ATG2B: variants seen among roughly 807,000 people sequenced by gnomAD.
The protein encoded by ATG2B is autophagy related 2B.
ATG2B carries 121 observed loss-of-function variants against 241.3 expected under a neutral mutation model. The observed-to-expected ratio is 0.50, with a 90% CI of 0.43 to 0.58. The LOEUF is 0.58. ATG2B is among the 20% of genes least tolerant of loss of function. The pLI, the probability that ATG2B is intolerant of heterozygous loss-of-function variation, is 0.00. For synonymous variants in ATG2B, 858 were observed against 876.6 expected (o/e 0.98, Z 0.37); for missense variants, 2,306 against 2,491.6 (o/e 0.93, Z 1.59).
chr14:96,294,892 C>T lies in ATG2B; in HGVS notation c.5426+68G>A, dbSNP rs573074394. ...ACGGAACCTCATGATTACCAGCACA[C>T]ATACATCACAGAACAATCTTCAAAA... On this transcript the variant is annotated intron_variant, in intron 36 of 41. Transcript: ENST00000359933. 30 of 1,385,570 alleles carry T rather than the reference C, an allele frequency of 2.2e-5. No homozygotes were observed. The South Asian group carries it at 2.5e-4, about 11-fold the overall frequency. 85.8% of individuals were successfully genotyped at this position (1,385,570 alleles called of 1,614,324 possible).
chr14:96,332,523 C>G lies in ATG2B; in HGVS notation c.1340G>C (p.Gly447Ala). 6.2e-7 allele frequency: 1 copy of G among 1,609,090 alleles called. No homozygotes were observed. The highest frequency in any genetic ancestry group is 8.5e-7 in the Non-Finnish European group (1 of 1,178,224). ...LTSTYTNTPAGSPLSATVLQP... is the reference protein window; with the variant it reads ...LTSTYTNTPAASPLSATVLQP... The stretch of plus-strand genomic sequence containing the variant: ...TACCACAGTAGCACTTAATGGAGAT[C>G]CTGCTGGGGTATTTGTATATGTACT... The change falls in exon 9 of 42, where the codon GGA becomes GCA. Residue 447 changes from glycine to alanine, a missense_variant. Transcript: ENST00000359933.
chr14:96,339,790 T>C (rs540251858), intron 6 of ATG2B, among the ~76,000 whole-genome samples: 1 of 151,868 alleles, frequency 6.6e-6, no homozygotes. Flanking sequence ...ACTGCTCAGG[T>C]GACAAGTACA....
chr14:96,302,972 A>AT, intron 33 of ATG2B, 89 bp downstream of exon 33: 2 of 974,614 alleles, frequency 2.1e-6, no homozygotes, highest in Non-Finnish European at 2.8e-6. Context: ...ATATCTAGTA[A>AT]TTTTCCCTAC....
At chr14:96,300,803 C>G (rs368444664) in intron 34 of ATG2B, among the ~76,000 whole-genome samples, 3 of 152,218 alleles carry the variant, frequency 2.0e-5, no homozygotes, top group Non-Finnish European at 2.9e-5. Flanking sequence ...TAGAGCTATG[C>G]TAAGCTTCTG....
rs1490776788 is a variant in ATG2B, at chr14:96,282,157, A to G, written c.*3598T>C. On this transcript the variant is annotated 3_prime_UTR_variant, in exon 42 of 42. Transcript: ENST00000359933. ...TAAACAAGATTTCCTGCAATGAAAA[A>G]GAAATTTTTCCTTCATTATCTATAA... The G allele has an allele frequency of 1.3e-5, 2 of 152,256 alleles. No homozygotes were observed. Among genetic ancestry groups the G allele is most frequent in the African/African-American group, 2.4e-5 (1 of 41,460 alleles). 9.4% of individuals were successfully genotyped at this position (152,256 alleles called of 1,614,324 possible).
chr14:96,317,068 T>C, intron 20 of ATG2B, 77 bp downstream of exon 20: 1 of 1,289,076 alleles, frequency 7.8e-7, no homozygotes. Context: ...AATACTTCAA[T>C]CACTAGATAT....
chr14:96,352,721 A>G (rs1157382453), intron 1 of ATG2B, among the ~76,000 whole-genome samples: 6 of 152,208 alleles, frequency 3.9e-5, no homozygotes, highest in Admixed American at 6.5e-5. Context: ...TGTTATTACA[A>G]AAGAAACAAA....
At chr14:96,332,459 A>C (rs1486590757) in intron 9 of ATG2B, 42 bp downstream of exon 9, 10 of 1,612,132 alleles carry the variant, frequency 6.2e-6, no homozygotes, top group Non-Finnish European at 8.5e-6. Flanking sequence ...GAATTTTAGA[A>C]GCAACTTTTC....
Position 96,328,437 on chromosome 14 carries a change from C to T in ATG2B, c.2073G>A (p.Arg691=). The T allele has an allele frequency of 6.2e-7, 1 of 1,613,502 alleles. No individual in the cohort carries two copies. Among genetic ancestry groups the T allele is most frequent in the Non-Finnish European group, 8.5e-7 (1 of 1,179,806 alleles). ...CCELDISIVD[R]LNSLLQPQKL... The stretch of plus-strand genomic sequence containing the variant: ...TCTGTGGTTGAAGCAAGGAATTTAA[C>T]CTGTCCACAATACTGATATCCAGCT... Residue 691 remains arginine, a synonymous_variant, in exon 14 of 42, where the codon AGG becomes AGA. Transcript: ENST00000359933.
chr14:96,362,883 G>T lies in ATG2B; in HGVS notation c.94C>A (p.Leu32Met). 6.2e-7 allele frequency: 1 copy of T among 1,613,570 alleles called. No individual in the cohort carries two copies. The stretch of plus-strand genomic sequence containing the variant: ...TACAGGTCCAGGCTGAGCTGCTCCA[G>T]GCTCAGCTTCTCCTGCAGAAAGTGG... ...LGHFLQEKLS[L>M]EQLSLDLYQG... is the part of the protein sequence containing the mutation. The change falls in exon 1 of 42, where the codon CTG becomes ATG. Residue 32 changes from leucine to methionine, a missense_variant. This residue lies in a region of ATG2B where 1,927 missense variants were observed against 2,011.2 expected (regional missense o/e 0.96). Coordinates refer to ENST00000359933, the MANE Select transcript of ATG2B (RefSeq NM_018036.7).
At position 96,311,558 on chromosome 14, in the gene ATG2B, T is replaced by C. The variant is rs1224522888; in HGVS notation, c.3974A>G (p.Asp1325Gly). 1.9e-6 allele frequency: 3 copies of C among 1,606,708 alleles called. No homozygotes were observed. Among genetic ancestry groups the C allele is most frequent in the Non-Finnish European group, 2.6e-6 (3 of 1,175,228 alleles). ...ATAACTCACTTGCTCTCCATCAGAA[T>C]CAGACTTCACTGCAGTTATGGTTAA... ...LELTITAVKSDSDGEQTEPRF... is the reference protein window; with the variant it reads ...LELTITAVKSGSDGEQTEPRF... Residue 1325 changes from aspartate to glycine, a missense_variant, in exon 27 of 42, where the codon GAT becomes GGT. This residue lies in a region of ATG2B where 1,927 missense variants were observed against 2,011.2 expected (regional missense o/e 0.96). Coordinates refer to ENST00000359933, the MANE Select transcript of ATG2B (RefSeq NM_018036.7).
intron 1 of ATG2B, among the ~76,000 whole-genome samples, chr14:96,351,735 C>CAAA (rs547639757): frequency 8.2e-6 from 1 of 122,556 alleles, no homozygotes. Context: ...GACTCCGTCT[C>CAAA]AAAAAAAAAA....
intron 1 of ATG2B, among the ~76,000 whole-genome samples, chr14:96,355,361 C>T (rs981317648): frequency 6.6e-6 from 1 of 152,102 alleles, no homozygotes; most frequent in African/African-American, 2.4e-5. Flanking sequence ...TAGGGCTAGC[C>T]AGTTCTCCCA....
intron 11 of ATG2B, 122 bp from the exon 12 acceptor site, chr14:96,329,756 C>T (rs1887683488): frequency 1.7e-6 from 1 of 575,064 alleles, no homozygotes. Flanking sequence ...AGAAAGATTG[C>T]TTCAAATTTC....
intron 31 of ATG2B, among the ~76,000 whole-genome samples, chr14:96,305,052 T>C (rs1886900515): frequency 6.6e-6 from 1 of 152,120 alleles, no homozygotes; most frequent in Non-Finnish European, 1.5e-5. Context: ...TAGTGTCAAA[T>C]GTTACTGCTC....
chr14:96,330,738 T>C (rs1322481502), intron 11 of ATG2B, among the ~76,000 whole-genome samples: 1 of 152,218 alleles, frequency 6.6e-6, no homozygotes, highest in Non-Finnish European at 1.5e-5. Flanking sequence ...CACTCCAGCC[T>C]GGACGATGGA....
At chr14:96,336,576 A>G (rs1437839408) in intron 6 of ATG2B, among the ~76,000 whole-genome samples, 2 of 152,212 alleles carry the variant, frequency 1.3e-5, no homozygotes, top group Non-Finnish European at 2.9e-5. Flanking sequence ...TTTATTATAA[A>G]AGACATTTGT....
At position 96,289,510 on chromosome 14, in the gene ATG2B, G is replaced by A; in HGVS notation, c.6006+146C>T. 1 of 952,590 alleles carries A rather than the reference G, an allele frequency of 1.0e-6. No individual in the cohort carries two copies. The highest frequency in any genetic ancestry group is 3.5e-4 in the Middle Eastern group (1 of 2,856). 59.0% of individuals were successfully genotyped at this position (952,590 alleles called of 1,614,324 possible). A position where few individuals can be genotyped will look rare whatever the true frequency, so the allele number is the denominator to read the frequency against. ...TGGCCCTTTTCCATCACCTCACACA[G>A]ATATGGGCACATGTTATTAGTGGCA... On this transcript the variant is annotated intron_variant, in intron 41 of 41. Coordinates refer to ENST00000359933, the MANE Select transcript of ATG2B (RefSeq NM_018036.7). The surrounding 1 kb of genome is among the most constrained non-coding windows in gnomAD (Gnocchi z 4.3).
At position 96,312,121 on chromosome 14, in the gene ATG2B, T is replaced by C. The variant is rs776961773; in HGVS notation, c.3881A>G (p.Lys1294Arg). ...CAGATTTATAGTGACAGTATTGCAT[T>C]TGTCAGATAGATGTAAAGCAGCTTC... ...LDEAALHLSD[K>R]CNTVTINLSR... The change falls in exon 26 of 42, where the codon AAA (lysine) becomes AGA (arginine). Residue 1294 changes from lysine to arginine, a missense_variant. Around this residue, in one of 2 missense-constraint regions of ATG2B, gnomAD observed 1,927 missense variants for 2,011.2 expected, o/e 0.96. Coordinates refer to ENST00000359933, the MANE Select transcript of ATG2B (RefSeq NM_018036.7). The C allele has an allele frequency of 1.2e-6, 2 of 1,602,948 alleles. No homozygotes were observed. The highest frequency in any genetic ancestry group is 1.7e-6 in the Non-Finnish European group (2 of 1,176,922).
Sources: allele counts gnomAD v4.1 joint callset (sites outside exome capture counted in the v4.1 genomes callset), GRCh38; gene constraint gnomAD v4.1.1; regional missense constraint gnomAD v4.1.1; non-coding constraint Gnocchi (gnomAD v3.1); transcripts MANE v1.5; gene names NCBI Gene and HGNC (gene_info 2026-07-23, HGNC 2026-07-21).